The following CTNNA3 variants were observed in gnomAD, a reference collection of about 807,000 sequenced individuals.
CTNNA3 encodes catenin alpha 3, also known as catenin alpha-3.
In CTNNA3, 76 loss-of-function variants were observed where a neutral mutation model predicts 95.7. The observed-to-expected ratio is 0.79, with a 90% CI of 0.66 to 0.96. The LOEUF is 0.96. Among genes scored for constraint, CTNNA3 ranks in the 40% least tolerant of loss-of-function variants. The probability of loss-of-function intolerance (pLI) is 0.00; values close to 1 mark genes in which losing one functional copy is unlikely to be tolerated. For missense variants in CTNNA3, 1,191 were observed against 1,089.8 expected, an observed-to-expected ratio of 1.09 and a Z score of -1.31; for synonymous variants, 431 against 374.4, an observed-to-expected ratio of 1.15 and a Z score of -1.74.
chr10:66,018,434 G>A (rs1442056856), intron 15 of CTNNA3, among the ~76,000 whole-genome samples: 1 of 152,008 alleles, frequency 6.6e-6, no homozygotes, highest in Non-Finnish European at 1.5e-5. Flanking sequence ...TATACATGCA[G>A]TATTATTTTG....
chr10:66,255,640 C>A (rs2090738993), intron 13 of CTNNA3, among the ~76,000 whole-genome samples: 1 of 152,172 alleles, frequency 6.6e-6, no homozygotes, highest in Non-Finnish European at 1.5e-5. Context: ...ATCACCCTCT[C>A]CCCATAAACA....
At chr10:67,744,632 C>T (rs542256193) in intron 1 of CTNNA3, among the ~76,000 whole-genome samples, 2 of 151,112 alleles carry the variant, frequency 1.3e-5, no homozygotes, top group African/African-American at 4.8e-5. Flanking sequence ...GCAATGGCAA[C>T]AAAAGCCAAA....
chr10:66,985,278 A>G (rs954856789), intron 7 of CTNNA3, among the ~76,000 whole-genome samples: 2 of 152,230 alleles, frequency 1.3e-5, no homozygotes, highest in Middle Eastern at 3.2e-3. Context: ...AAGTTTAACA[A>G]TATGATAGCA....
At chr10:67,498,964 A>G (rs1839136707) in intron 5 of CTNNA3, among the ~76,000 whole-genome samples, 1 of 152,138 alleles carries the variant, frequency 6.6e-6, no homozygotes, top group Admixed American at 6.5e-5. Context: ...AGAACTTCCA[A>G]TACTCTGTTG....
intron 13 of CTNNA3, among the ~76,000 whole-genome samples, chr10:66,271,893 G>A (rs184482839): frequency 2.6e-5 from 4 of 152,218 alleles, no homozygotes; most frequent in South Asian, 2.1e-4. Context: ...AGCTTAACAC[G>A]TTTCCTGAAT....
At chr10:67,546,465 C>A (rs1345313542) in intron 3 of CTNNA3, among the ~76,000 whole-genome samples, 1 of 152,086 alleles carries the variant, frequency 6.6e-6, no homozygotes. Flanking sequence ...TAATAAAATA[C>A]ACAAAATATA....
intron 7 of CTNNA3, among the ~76,000 whole-genome samples, chr10:67,127,881 T>TGA (rs1859797129): frequency 6.6e-6 from 1 of 151,730 alleles, no homozygotes; most frequent in South Asian, 2.1e-4. Flanking sequence ...TGTGTGTCTG[T>TGA]GTGTGTGTGT....
chr10:67,751,547 TA>T (rs140377462), intron 1 of CTNNA3, among the ~76,000 whole-genome samples: 25 of 146,614 alleles, frequency 1.7e-4, no homozygotes, highest in African/African-American at 2.0e-4. Flanking sequence ...ATAATGATCG[TA>T]AAAAAAAAAT....
chr10:66,266,615 G>A (rs1210528682), intron 13 of CTNNA3, among the ~76,000 whole-genome samples: 1 of 151,958 alleles, frequency 6.6e-6, no homozygotes, highest in African/African-American at 2.4e-5. Context: ...TGGTGAGACA[G>A]CACTTCAATC....
At chr10:66,826,542 T>C (rs1842522862) in intron 7 of CTNNA3, among the ~76,000 whole-genome samples, 1 of 152,204 alleles carries the variant, frequency 6.6e-6, no homozygotes, top group Non-Finnish European at 1.5e-5. Flanking sequence ...TTATTATAAT[T>C]ACTGTAAGAT....
chr10:66,749,221 A>G (rs986454894), intron 9 of CTNNA3, among the ~76,000 whole-genome samples: 4 of 147,970 alleles, frequency 2.7e-5, no homozygotes, highest in East Asian at 1.9e-4. Flanking sequence ...AAAAAAAAAA[A>G]AAAAAAAGAA....
chr10:66,077,784 T>C (rs751097599), intron 14 of CTNNA3, among the ~76,000 whole-genome samples: 5 of 151,810 alleles, frequency 3.3e-5, no homozygotes, highest in Non-Finnish European at 5.9e-5. Flanking sequence ...GATGTGATCC[T>C]AGCACGGCCA....
intron 7 of CTNNA3, among the ~76,000 whole-genome samples, chr10:67,019,581 A>G (rs1004918052): frequency 1.3e-5 from 2 of 152,224 alleles, no homozygotes; most frequent in African/African-American, 4.8e-5. Flanking sequence ...TGTACACTTT[A>G]TAAATAAGAA....
chr10:66,382,335 A>G (rs2921944), intron 11 of CTNNA3, among the ~76,000 whole-genome samples: 72,711 of 151,992 alleles, frequency 0.48, 17,831 homozygotes, highest in African/African-American at 0.58. Context: ...CTGCTAGTGC[A>G]GCAGTCTGAG....
At chr10:66,504,309 G>A (rs1050459243) in intron 11 of CTNNA3, among the ~76,000 whole-genome samples, 21 of 152,088 alleles carry the variant, frequency 1.4e-4, no homozygotes, top group Non-Finnish European at 2.8e-4. Context: ...TTAAAAACAC[G>A]TAGAACTTGT....
intron 7 of CTNNA3, among the ~76,000 whole-genome samples, chr10:66,980,268 C>A (rs904839969): frequency 6.6e-6 from 1 of 152,160 alleles, no homozygotes; most frequent in Non-Finnish European, 1.5e-5. Flanking sequence ...TTCCTTGTCT[C>A]TTCTCCTAAG....
intron 9 of CTNNA3, among the ~76,000 whole-genome samples, chr10:66,734,298 C>G (rs912926964): frequency 7.2e-5 from 11 of 151,890 alleles, no homozygotes; most frequent in African/African-American, 2.7e-4. Flanking sequence ...TGTTTTTCTT[C>G]TCCAGTAATT....
At chr10:66,410,193 C>T (rs1401225668) in intron 11 of CTNNA3, among the ~76,000 whole-genome samples, 2 of 152,096 alleles carry the variant, frequency 1.3e-5, no homozygotes, top group African/African-American at 4.8e-5. Context: ...GTTAAATAAT[C>T]AGATCAAAAA....
chr10:66,091,177 G>A (rs553414158), intron 14 of CTNNA3, among the ~76,000 whole-genome samples: 1 of 152,010 alleles, frequency 6.6e-6, no homozygotes, highest in East Asian at 1.9e-4. Context: ...AGAAAAAGCA[G>A]AGACATACTT....
Sources: gnomAD v4.1 joint callset for allele counts (sites outside exome capture counted in the v4.1 genomes callset) on GRCh38, gnomAD v4.1.1 for gene constraint, MANE v1.5 for transcripts, NCBI Gene and HGNC (gene_info 2026-07-23, HGNC 2026-07-21) for gene names.